RGS13: variants seen among roughly 807,000 people sequenced by gnomAD.
RGS13 encodes the protein regulator of G protein signaling 13, also known as regulator of G-protein signalling 13.
A neutral mutation model predicts 19.9 loss-of-function variants in RGS13; 14 were observed. The observed-to-expected ratio is 0.70, with a 90% CI of 0.46 to 1.10. The LOEUF (loss-of-function observed/expected upper bound fraction) is 1.10, where lower values mean the gene tolerates loss of function less well. Among genes scored for constraint, RGS13 ranks in the 50% least tolerant of loss-of-function variants. RGS13 has a pLI of 0.00. For synonymous variants in RGS13, 60 were observed against 56.8 expected, an observed-to-expected ratio of 1.06 and a Z score of -0.25; for missense variants, 205 against 187.1, an observed-to-expected ratio of 1.10 and a Z score of -0.56.
At position 192,647,994 on chromosome 1, in the gene RGS13, A is replaced by G; in HGVS notation, c.127+7A>G. On this transcript the variant is annotated splice_region_variant and intron_variant, in intron 5 of 6. Transcript: ENST00000391995. ...AATTTAATGGCTACAAAATGTGAGTATTGCGTATCTGTCATCTTTGAATAA... is the reference window on the plus strand; with the variant it reads ...AATTTAATGGCTACAAAATGTGAGTGTTGCGTATCTGTCATCTTTGAATAA... 1 of 1,577,148 alleles carries G rather than the reference A, an allele frequency of 6.3e-7. No homozygotes were observed. The highest frequency in any genetic ancestry group is 8.7e-7 in the Non-Finnish European group (1 of 1,154,326).
chr1:192,647,047 A>G (rs778852747), intron 4 of RGS13: 1 of 152,194 alleles, frequency 6.6e-6, no homozygotes, highest in Non-Finnish European at 1.5e-5. Flanking sequence ...TAAAACTGAT[A>G]CAAAAAAATT....
rs4633271 is a variant in RGS13, at chr1:192,639,489, G to T, written c.-5+1286G>T. Among the ~76,000 whole-genome samples, 1,160 of 152,204 alleles carry T rather than the reference G, an allele frequency of 7.6e-3. 45 individuals are homozygous for T. Among genetic ancestry groups the T allele is most frequent in the Admixed American group, 0.06 (921 of 15,250 alleles). On this transcript the variant is annotated intron_variant, in intron 3 of 6. Transcript: ENST00000391995. Reference sequence around the variant, plus strand: ...ATAGAAACATGGGAACAACAAAAATGAAGAGAAGGAGGATTTGCAGATTAT... The same window carrying T: ...ATAGAAACATGGGAACAACAAAAATTAAGAGAAGGAGGATTTGCAGATTAT...
intron 3 of RGS13, among the ~76,000 whole-genome samples, chr1:192,639,378 C>G (rs1349414660): frequency 6.6e-6 from 1 of 152,038 alleles, no homozygotes; most frequent in African/African-American, 2.4e-5. Context: ...ATACACACAC[C>G]CAGATGTCTG....
chr1:192,636,364 G>C (rs1663019186), intron 1 of RGS13, 47 bp downstream of exon 1: 1 of 152,138 alleles, frequency 6.6e-6, no homozygotes, highest in South Asian at 2.1e-4. Context: ...AAGACTATTG[G>C]CTTGCTATAA....
At chr1:192,639,362 T>A (rs55856535) in intron 3 of RGS13, among the ~76,000 whole-genome samples, 71,100 of 151,392 alleles carry the variant, frequency 0.47, 16,708 homozygotes, top group South Asian at 0.51. Context: ...CCCAACCATC[T>A]GGGTGATACA....
intron 5 of RGS13, among the ~76,000 whole-genome samples, chr1:192,651,817 G>A (rs947255421): frequency 6.6e-6 from 1 of 152,052 alleles, no homozygotes; most frequent in Non-Finnish European, 1.5e-5. Flanking sequence ...GATTGCTTAG[G>A]AGAGGATGTT....
At chr1:192,654,673 G>A (rs775768066) in intron 5 of RGS13, among the ~76,000 whole-genome samples, 9 of 152,008 alleles carry the variant, frequency 5.9e-5, no homozygotes, top group Non-Finnish European at 1.0e-4. Context: ...AAGCCTTGCA[G>A]TCTTACAGAA....
At chr1:192,648,823 C>T (rs1663265499) in intron 5 of RGS13, among the ~76,000 whole-genome samples, 1 of 152,080 alleles carries the variant, frequency 6.6e-6, no homozygotes, top group Admixed American at 6.6e-5. Flanking sequence ...GTGCTACTTA[C>T]ATGCTTTAAC....
chr1:192,637,236 C>T (rs1463247039), intron 1 of RGS13, among the ~76,000 whole-genome samples: 1 of 151,180 alleles, frequency 6.6e-6, no homozygotes, highest in African/African-American at 2.4e-5. Context: ...CTCTATGTTT[C>T]GATTGTAAAA....
At chr1:192,658,068 A>C in intron 5 of RGS13, 133 bp from the exon 6 acceptor site, 1 of 630,488 alleles carries the variant, frequency 1.6e-6, no homozygotes, top group Non-Finnish European at 2.8e-6. Flanking sequence ...ATTGATATAT[A>C]GAGATAGATA....
chr1:192,646,046 G>A (rs1016890785), intron 4 of RGS13: 1 of 152,012 alleles, frequency 6.6e-6, no homozygotes, highest in African/African-American at 2.4e-5. Context: ...GGTTATTTTA[G>A]GTTACTTTTT....
At chr1:192,643,521 G>A (rs1663162209) in intron 3 of RGS13, among the ~76,000 whole-genome samples, 1 of 152,036 alleles carries the variant, frequency 6.6e-6, no homozygotes, top group South Asian at 2.1e-4. Flanking sequence ...TGTGCCCAGA[G>A]TAGATAAAAC....
chr1:192,637,646 T>A lies in RGS13; in HGVS notation c.-59T>A, dbSNP rs1663038916. ...CAACATGAGAAAAAAATGATCATTG[T>A]TTATTTGAAGCTTGGTGAGTTTATC... On this transcript the variant is annotated 5_prime_UTR_variant, in exon 2 of 7. Transcript: ENST00000391995. The A allele has an allele frequency of 6.6e-6, 1 of 152,060 alleles. No homozygotes were observed. Among genetic ancestry groups the A allele is most frequent in the Admixed American group, 6.6e-5 (1 of 15,256 alleles). The allele number at this position is 152,060 out of a possible 1,614,324, so 9.4% of individuals were successfully genotyped here.
chr1:192,642,635 T>C (rs1373332789), intron 3 of RGS13, among the ~76,000 whole-genome samples: 7 of 152,200 alleles, frequency 4.6e-5, no homozygotes, highest in Admixed American at 1.3e-4. Flanking sequence ...CCTAAATTCC[T>C]TTTATTTCCT....
rs2102040881 is a variant in RGS13, at chr1:192,659,730, C to G, written c.*207C>G. ...CATGAATAACAAAATGTACAGCAAG[C>G]CTATGTAGTTCAATTAATATATAAG... is the stretch of plus-strand genomic sequence containing the variant. On this transcript the variant is annotated 3_prime_UTR_variant, in exon 7 of 7. Transcript: ENST00000391995. 2.1e-6 allele frequency: 1 copy of G among 472,510 alleles called. No homozygotes were observed. The highest frequency in any genetic ancestry group is 3.6e-5 in the South Asian group (1 of 27,772). 29.3% of individuals were successfully genotyped at this position (472,510 alleles called of 1,614,324 possible).
Position 192,637,585 on chromosome 1 carries a change from T to TAGG in RGS13, c.-115-5_-115-4insAGG, listed in dbSNP as rs1663038143. The TAGG allele has an allele frequency of 1.3e-5, 2 of 151,976 alleles. No homozygotes were observed. The highest frequency in any genetic ancestry group is 1.3e-4 in the Admixed American group (2 of 15,242). 9.4% of individuals were successfully genotyped at this position (151,976 alleles called of 1,614,324 possible). ...TGTTTGGTTTTGTTATTATTTTATTTTTAGGTCAATGGAATGTTTCCACAT... is the reference window on the plus strand; with the variant it reads ...TGTTTGGTTTTGTTATTATTTTATTTAGGTTAGGTCAATGGAATGTTTCCACAT... On this transcript the variant is annotated splice_region_variant and splice_polypyrimidine_tract_variant and intron_variant, in intron 1 of 6. Transcript: ENST00000391995.
intron 5 of RGS13, among the ~76,000 whole-genome samples, chr1:192,656,343 CTG>C (rs1491405673): frequency 1.6e-4 from 24 of 149,656 alleles, no homozygotes; most frequent in African/African-American, 5.7e-4. Flanking sequence ...GCTTAACATT[CTG>C]TTTTTTTTTT....
chr1:192,659,138 G>T, intron 6 of RGS13, 200 bp from the exon 7 acceptor site: 1 of 399,458 alleles, frequency 2.5e-6, no homozygotes, highest in Non-Finnish European at 4.4e-6. Context: ...TGTTCCTCTT[G>T]GATGTGGAGT....
In RGS13 at chr1:192,659,537, G is replaced by A; in HGVS notation, c.*14G>A. On this transcript the variant is annotated 3_prime_UTR_variant, in exon 7 of 7. Coordinates refer to ENST00000391995, the MANE Select transcript of RGS13 (RefSeq NM_002927.5). The stretch of plus-strand genomic sequence containing the variant: ...AACAGTTTCTGACTACAACTCAAAA[G>A]TTTAAATAGAAAACAGTATATTGAA... 8 of 1,581,190 alleles carry A rather than the reference G, an allele frequency of 5.1e-6. No individual in the cohort carries two copies. Among genetic ancestry groups the A allele is most frequent in the Non-Finnish European group, 6.9e-6 (8 of 1,161,068 alleles).
Sources: gnomAD v4.1 joint callset for allele counts (sites outside exome capture counted in the v4.1 genomes callset) on GRCh38, gnomAD v4.1.1 for gene constraint, MANE v1.5 for transcripts, NCBI Gene and HGNC (gene_info 2026-07-23, HGNC 2026-07-21) for gene names.